The following PTPRF variants were observed in gnomAD, a reference collection of about 807,000 sequenced individuals.
PTPRF encodes the protein protein tyrosine phosphatase receptor type F.
In PTPRF, 59 loss-of-function variants were observed where a neutral mutation model predicts 201.8. The ratio of observed to expected loss-of-function variants is 0.29; its 90% CI spans 0.24 to 0.36. PTPRF has a LOEUF of 0.36. PTPRF is among the 10% of genes least tolerant of loss of function. The probability of loss-of-function intolerance (pLI) is 1.00; values close to 1 mark genes in which losing one functional copy is unlikely to be tolerated. For synonymous variants in PTPRF, 1,088 were observed against 1,089.7 expected, an observed-to-expected ratio of 1.00 and a Z score of 0.03; for missense variants, 2,132 against 2,690.5, an observed-to-expected ratio of 0.79 and a Z score of 4.59.
In PTPRF at chr1:43,588,282, A is replaced by G. The variant is rs1225333584; in HGVS notation, c.680-449A>G. Among the ~76,000 whole-genome samples, 1 of 152,090 alleles carries G rather than the reference A, an allele frequency of 6.6e-6. No individual in the cohort carries two copies. Among genetic ancestry groups the G allele is most frequent in the East Asian group, 1.9e-4 (1 of 5,182 alleles). ...GACTGGCCTTCTGCTCTGCCCAGCCATGCTCTGAGGACCCTCCACCCTAGG... is the reference window on the plus strand; with the variant it reads ...GACTGGCCTTCTGCTCTGCCCAGCCGTGCTCTGAGGACCCTCCACCCTAGG... On this transcript the variant is annotated intron_variant, in intron 7 of 33. Coordinates refer to ENST00000359947, the MANE Select transcript of PTPRF (RefSeq NM_002840.5). This position sits in a 1 kb window ranked among gnomAD's most constrained non-coding sequence, Gnocchi z 5.3.
At chr1:43,598,223 AATCCC>A in intron 12 of PTPRF, 170 bp downstream of exon 12, 1 of 670,428 alleles carries the variant, frequency 1.5e-6, no homozygotes, top group Non-Finnish European at 2.3e-6. Context: ...CTGAGGCCCA[AATCCC>A]AGCCTTTGGG....
At chr1:43,529,222 T>C (rs1366243390), upstream of PTPRF, among the ~76,000 whole-genome samples, 2 of 152,210 alleles carry the variant, frequency 1.3e-5, no homozygotes, top group Non-Finnish European at 2.9e-5. Context: ...ACTGGAAATA[T>C]TCATTTTTGA....
At chr1:43,591,579 A>G (rs1184515265) in intron 9 of PTPRF, 26 bp downstream of exon 9, 2 of 1,530,802 alleles carry the variant, frequency 1.3e-6, no homozygotes, top group East Asian at 2.4e-5. Flanking sequence ...CCGGCTGGGC[A>G]GCCAACAGCA....
intron 3 of PTPRF, among the ~76,000 whole-genome samples, chr1:43,551,912 CCTGGCCCCTGGAGTT>C (rs1645061298): frequency 6.6e-6 from 1 of 152,016 alleles, no homozygotes; most frequent in Non-Finnish European, 1.5e-5. Flanking sequence ...CCCCAGAGCC[CCTGGCCCCTGGAGTT>C]CTCAAAAGTT....
intron 5 of PTPRF, among the ~76,000 whole-genome samples, chr1:43,555,911 C>T (rs911193563): frequency 2.3e-4 from 35 of 152,190 alleles, no homozygotes; most frequent in African/African-American, 7.7e-4. Flanking sequence ...CTGATTATTC[C>T]CTTATTCTAG....
chr1:43,575,985 A>T (rs1286963346), intron 6 of PTPRF: 2 of 1,348,992 alleles, frequency 1.5e-6, no homozygotes. Flanking sequence ...CGTCACCTCC[A>T]CTCCATCCCG....
At chr1:43,564,895 G>A (rs749934964) in intron 5 of PTPRF, among the ~76,000 whole-genome samples, 1 of 152,144 alleles carries the variant, frequency 6.6e-6, no homozygotes, top group Non-Finnish European at 1.5e-5. Flanking sequence ...CTGGCCCAGA[G>A]ACTCACCCTC....
chr1:43,578,223 A>C (rs1647061265), intron 6 of PTPRF, among the ~76,000 whole-genome samples: 1 of 151,888 alleles, frequency 6.6e-6, no homozygotes, highest in African/African-American at 2.4e-5. Flanking sequence ...TGAGGAGTGG[A>C]GCTGGAATGG....
chr1:43,598,527 C>T (rs1652944472), intron 12 of PTPRF, 193 bp from the exon 13 acceptor site: 2 of 607,274 alleles, frequency 3.3e-6, no homozygotes, highest in Non-Finnish European at 5.7e-6. Flanking sequence ...CAGGGCCAGT[C>T]CTGGGCTCTT....
At chr1:43,547,500 A>G (rs1032166824) in intron 3 of PTPRF, among the ~76,000 whole-genome samples, 1 of 152,198 alleles carries the variant, frequency 6.6e-6, no homozygotes, top group Non-Finnish European at 1.5e-5. Context: ...TACACTGCAC[A>G]CAGTTTTGGA....
rs1281466050 is a variant in PTPRF at position 43,603,143 on chromosome 1, G to C, written c.2341-273G>C. Among the ~76,000 whole-genome samples the C allele has an allele frequency of 6.6e-6, 1 of 152,166 alleles. No homozygotes were observed. The highest frequency in any genetic ancestry group is 6.5e-5 in the Admixed American group (1 of 15,284). On this transcript the variant is annotated intron_variant, in intron 14 of 33. Transcript: ENST00000359947. The surrounding 1 kb of genome is among the most constrained non-coding windows in gnomAD (Gnocchi z 5.8). ...CCGTTCACAGCACAGTGGAGTGAGG[G>C]AAACAGTCTGGCCCTTTGTTCTTGT...
intron 7 of PTPRF, among the ~76,000 whole-genome samples, chr1:43,584,199 C>G (rs1238051910): frequency 6.6e-6 from 1 of 152,150 alleles, no homozygotes; most frequent in Non-Finnish European, 1.5e-5. Context: ...GGAGACTCAC[C>G]TGTCCATTGG....
Position 43,588,630 on chromosome 1 carries a change from T to A in PTPRF, c.680-101T>A. 6.8e-7 allele frequency: 1 copy of A among 1,467,408 alleles called. No individual in the cohort carries two copies. The highest frequency in any genetic ancestry group is 9.2e-7 in the Non-Finnish European group (1 of 1,088,330). 90.9% of individuals were successfully genotyped at this position (1,467,408 alleles called of 1,614,324 possible). ...CCCCTCCTGTCTCTGAGCATGGGTT[T>A]GGCTCTGACCAGAGGGGCTTCCTGA... On this transcript the variant is annotated intron_variant, in intron 7 of 33. Transcript: ENST00000359947. This position sits in a 1 kb window ranked among gnomAD's most constrained non-coding sequence, Gnocchi z 5.3.
At chr1:43,541,145 A>G (rs1047744417) in intron 2 of PTPRF, among the ~76,000 whole-genome samples, 2 of 152,148 alleles carry the variant, frequency 1.3e-5, no homozygotes, top group Non-Finnish European at 2.9e-5. Context: ...CCTTCTGCTC[A>G]TGTCCATTTC....
At chr1:43,527,414 C>T (rs1020771426), upstream of PTPRF, among the ~76,000 whole-genome samples, 1 of 152,234 alleles carries the variant, frequency 6.6e-6, no homozygotes, top group Non-Finnish European at 1.5e-5. Context: ...ATCCATGTGG[C>T]TTTGGCACCT....
At chr1:43,558,162 C>A (rs879698917) in intron 5 of PTPRF, among the ~76,000 whole-genome samples, 1 of 152,038 alleles carries the variant, frequency 6.6e-6, no homozygotes, top group African/African-American at 2.4e-5. Context: ...TAGTTGGGGT[C>A]GGGGAAGTAA....
chr1:43,538,132 T>G (rs988873986), intron 1 of PTPRF, 66 bp from the exon 2 acceptor site: 7 of 398,404 alleles, frequency 1.8e-5, no homozygotes, highest in African/African-American at 1.0e-4. Flanking sequence ...AATGTCTTTC[T>G]GTGTCAATAC....
At chr1:43,557,450 A>G (rs1049837315) in intron 5 of PTPRF, among the ~76,000 whole-genome samples, 1 of 152,148 alleles carries the variant, frequency 6.6e-6, no homozygotes, top group East Asian at 1.9e-4. Flanking sequence ...CCTGGCCAAC[A>G]TGGCAAAACC....
chr1:43,605,553 C>T lies in PTPRF; in HGVS notation c.3414C>T (p.Pro1138=). 1 of 1,614,140 alleles carries T rather than the reference C, an allele frequency of 6.2e-7. No homozygotes were observed. The change falls in exon 19 of 34, where the codon CCC becomes CCT. Residue 1138 remains proline (P), a synonymous_variant. Transcript: ENST00000359947. The part of the protein sequence containing the change: ...LVRWFYIVVV[P]IDRVGGSMLT... ...GGTGGTTCTACATTGTTGTGGTGCC[C>T]ATTGACCGTGTGGGCGGGAGCATGC...
Sources: allele counts gnomAD v4.1 joint callset (sites outside exome capture counted in the v4.1 genomes callset), GRCh38; gene constraint gnomAD v4.1.1; non-coding constraint Gnocchi (gnomAD v3.1); transcripts MANE v1.5; gene names NCBI Gene and HGNC (gene_info 2026-07-23, HGNC 2026-07-21).